The following LSAMP variants were observed in gnomAD, a reference collection of about 807,000 sequenced individuals.
The protein encoded by LSAMP is limbic system associated membrane protein, also known as limbic system-associated membrane protein.
In LSAMP, 7 loss-of-function variants were observed where a neutral mutation model predicts 38.6. That is an observed-to-expected ratio of 0.18 (90% CI 0.10 to 0.34). The LOEUF is 0.34. Ranked by LOEUF, LSAMP falls within the 10% of genes least tolerant of loss-of-function variation. The pLI is 1.00. For synonymous variants in LSAMP, 154 were observed against 166.8 expected (o/e 0.92, Z 0.59); for missense variants, 313 against 420.0 (o/e 0.75, Z 2.23).
At chr3:116,230,921 T>C (rs923927005) in intron 1 of LSAMP, among the ~76,000 whole-genome samples, 2 of 151,026 alleles carry the variant, frequency 1.3e-5, no homozygotes, top group Middle Eastern at 3.4e-3. Context: ...TGAGGAAGAG[T>C]TTGTAGTCTT....
At chr3:115,955,752 C>T (rs1176881990) in intron 3 of LSAMP, among the ~76,000 whole-genome samples, 2 of 152,170 alleles carry the variant, frequency 1.3e-5, no homozygotes, top group African/African-American at 4.8e-5. Flanking sequence ...GCTATTCTTA[C>T]AGCACCCACA....
At chr3:115,856,907 T>C (rs886481474) in intron 3 of LSAMP, among the ~76,000 whole-genome samples, 2 of 152,212 alleles carry the variant, frequency 1.3e-5, no homozygotes, top group African/African-American at 4.8e-5. Flanking sequence ...ACTAGAGTCA[T>C]TGTCAGCACT....
intron 6 of LSAMP, among the ~76,000 whole-genome samples, chr3:115,824,168 C>T (rs1206973422): frequency 1.3e-5 from 2 of 152,188 alleles, no homozygotes; most frequent in Admixed American, 1.3e-4. Context: ...AGGGGTTTCT[C>T]TGGGCTATGC....
chr3:116,164,684 ATCCAAATATATATATATAT>A (rs1264637460), intron 1 of LSAMP, among the ~76,000 whole-genome samples: 14,096 of 113,468 alleles, frequency 0.12, 1,325 homozygotes, highest in Non-Finnish European at 0.15. Flanking sequence ...TATATATATA[ATCCAAATATATATATATAT>A]AATCCAAATA....
At chr3:116,431,302 T>C (rs1283251759) in intron 1 of LSAMP, among the ~76,000 whole-genome samples, 1 of 152,118 alleles carries the variant, frequency 6.6e-6, no homozygotes, top group South Asian at 2.1e-4. Context: ...TAAATGGCAT[T>C]TCCTTGATCC....
intron 6 of LSAMP, among the ~76,000 whole-genome samples, chr3:115,841,137 C>A (rs893916842): frequency 6.6e-6 from 1 of 152,196 alleles, no homozygotes; most frequent in Non-Finnish European, 1.5e-5. Flanking sequence ...AAGATGGGGT[C>A]TCCTATTAAC....
At chr3:115,826,069 C>T (rs1023686322) in intron 6 of LSAMP, among the ~76,000 whole-genome samples, 10 of 151,962 alleles carry the variant, frequency 6.6e-5, no homozygotes, top group South Asian at 2.1e-4. Flanking sequence ...AGTGGGTTGT[C>T]GTTCTCTTCC....
At chr3:116,199,376 T>C (rs975144567) in intron 1 of LSAMP, among the ~76,000 whole-genome samples, 1 of 152,212 alleles carries the variant, frequency 6.6e-6, no homozygotes, top group African/African-American at 2.4e-5. Flanking sequence ...CTACCTTCAA[T>C]CTTACCTCTT....
chr3:115,849,224 C>T (rs1935253934), intron 4 of LSAMP, among the ~76,000 whole-genome samples: 1 of 152,198 alleles, frequency 6.6e-6, no homozygotes, highest in South Asian at 2.1e-4. Context: ...TCCAGGACCT[C>T]CTACCACTTA....
At chr3:116,189,336 C>A (rs1485577207) in intron 1 of LSAMP, among the ~76,000 whole-genome samples, 1 of 152,072 alleles carries the variant, frequency 6.6e-6, no homozygotes, top group African/African-American at 2.4e-5. Context: ...CAAAGAAACC[C>A]TGCATAGATA....
intron 1 of LSAMP, among the ~76,000 whole-genome samples, chr3:116,395,138 C>A (rs548064121): frequency 1.9e-3 from 293 of 152,220 alleles, no homozygotes; most frequent in African/African-American, 6.4e-3. Context: ...CATGTAGTGA[C>A]CTGTACATTC....
Position 116,001,730 on chromosome 3 carries a change from T to G in LSAMP, c.514+17785A>C, listed in dbSNP as rs114831288. 3.6e-3 allele frequency among the ~76,000 whole-genome samples: 547 copies of G among 152,310 alleles called. 3 individuals carry two copies. Among genetic ancestry groups the G allele is most frequent in the African/African-American group, 0.013 (523 of 41,584 alleles). Reference sequence around the variant, plus strand: ...AGTGTAGTATCTTCAAGTCTCTCTCTCTAACTACAACCCTCACTTCCATCT... The same window carrying G: ...AGTGTAGTATCTTCAAGTCTCTCTCGCTAACTACAACCCTCACTTCCATCT... On this transcript the variant is annotated intron_variant, in intron 3 of 6. Coordinates refer to ENST00000490035, the MANE Select transcript of LSAMP (RefSeq NM_002338.5).
In LSAMP at chr3:116,252,955, T is replaced by C. The variant is rs2046703838; in HGVS notation, c.156-166399A>G. 2.0e-5 allele frequency among the ~76,000 whole-genome samples: 3 copies of C among 152,336 alleles called. No homozygotes were observed. In the South Asian group the frequency reaches 6.2e-4, roughly 32 times the overall value. On this transcript the variant is annotated intron_variant, in intron 1 of 6. Coordinates refer to ENST00000490035, the MANE Select transcript of LSAMP (RefSeq NM_002338.5). The stretch of plus-strand genomic sequence containing the variant: ...TTTGGTTTACAATAACCTGACCATC[T>C]TAAGAAAGAGGCTTTAATTATTCAA...
chr3:115,981,776 G>C (rs748523006), intron 3 of LSAMP, among the ~76,000 whole-genome samples: 3 of 152,126 alleles, frequency 2.0e-5, no homozygotes, highest in Non-Finnish European at 4.4e-5. Flanking sequence ...AACCAAATCC[G>C]CACATCGGAA....
intron 1 of LSAMP, among the ~76,000 whole-genome samples, chr3:116,341,568 G>A (rs1292675417): frequency 6.6e-6 from 1 of 151,982 alleles, no homozygotes; most frequent in African/African-American, 2.4e-5. Flanking sequence ...AATACATCTT[G>A]AGCAAAGTAA....
At chr3:116,418,709 G>C (rs2049083933) in intron 1 of LSAMP, among the ~76,000 whole-genome samples, 1 of 152,024 alleles carries the variant, frequency 6.6e-6, no homozygotes, top group African/African-American at 2.4e-5. Context: ...AGCTGAACTT[G>C]GTATTCCAGG....
intron 3 of LSAMP, among the ~76,000 whole-genome samples, chr3:116,013,998 C>A (rs1038479125): frequency 2.6e-5 from 4 of 152,054 alleles, no homozygotes; most frequent in Admixed American, 2.6e-4. Flanking sequence ...GCTACATGGC[C>A]CTGTTTTATG....
intron 1 of LSAMP, among the ~76,000 whole-genome samples, chr3:116,232,699 C>CTTTTTTTTTTTTTTTTTTTTTTTT (rs1219296323): frequency 3.0e-5 from 3 of 99,462 alleles, no homozygotes; most frequent in Non-Finnish European, 6.2e-5. Context: ...TTCTTTCTTT[C>CTTTTTTTTTTTTTTTTTTTTTTTT]TTTTTTTTTT....
At chr3:115,816,281 C>A (rs555921871) in intron 6 of LSAMP, among the ~76,000 whole-genome samples, 4 of 152,104 alleles carry the variant, frequency 2.6e-5, no homozygotes, top group African/African-American at 4.8e-5. Flanking sequence ...TGTCACTGGG[C>A]AGTGAGCATT....
Sources: allele counts gnomAD v4.1 joint callset (sites outside exome capture counted in the v4.1 genomes callset), GRCh38; gene constraint gnomAD v4.1.1; transcripts MANE v1.5; gene names NCBI Gene and HGNC (gene_info 2026-07-23, HGNC 2026-07-21).